The following ELFN2 variants were observed in gnomAD, a reference collection of about 807,000 sequenced individuals.
ELFN2 encodes extracellular leucine rich repeat and fibronectin type III domain containing 2.
ELFN2 carries 17 observed loss-of-function variants against 45.5 expected under a neutral mutation model. That is an observed-to-expected ratio of 0.37 (90% CI 0.26 to 0.56). ELFN2 has a LOEUF of 0.56. Among genes scored for constraint, ELFN2 ranks in the 20% least tolerant of loss-of-function variants. ELFN2 has a pLI of 0.77. For synonymous variants in ELFN2, 550 were observed against 551.5 expected, an observed-to-expected ratio of 1.00 and a Z score of 0.04; for missense variants, 922 against 1,183.2, an observed-to-expected ratio of 0.78 and a Z score of 3.24.
rs924642472 is a variant in ELFN2 at position 37,417,427 on chromosome 22, C to A, written c.-463+342G>T. ...CCACCCCCAGCAGGTGCACAGATGC[C>A]CCCTGACCTGCTGGAGTGCAGACTA... is the stretch of plus-strand genomic sequence containing the variant. On this transcript the variant is annotated intron_variant, in intron 2 of 2. Coordinates refer to ENST00000402918, the MANE Select transcript of ELFN2 (RefSeq NM_052906.5). The surrounding 1 kb of genome is among the most constrained non-coding windows in gnomAD (Gnocchi z 4.5). Among the ~76,000 whole-genome samples the A allele has an allele frequency of 6.6e-6, 1 of 152,212 alleles. No homozygotes were observed. Among genetic ancestry groups the A allele is most frequent in the Non-Finnish European group, 1.5e-5 (1 of 68,034 alleles).
intron 1 of ELFN2, chr22:37,426,888 G>T (rs911567102): frequency 3.3e-5 from 5 of 150,856 alleles, no homozygotes; most frequent in African/African-American, 1.2e-4. Context: ...GAGGATGAAT[G>T]CCTTGACCCG....
intron 2 of ELFN2, among the ~76,000 whole-genome samples, chr22:37,405,089 CAT>C (rs1932463439): frequency 6.6e-5 from 8 of 121,536 alleles, no homozygotes; most frequent in African/African-American, 2.4e-4. Context: ...TGAACCTCAG[CAT>C]TTTTTTTTTT....
chr22:37,397,363 C>T (rs1387241515), intron 2 of ELFN2, among the ~76,000 whole-genome samples: 1 of 152,226 alleles, frequency 6.6e-6, no homozygotes, highest in African/African-American at 2.4e-5. Context: ...TAATTCCCAG[C>T]TGGCATCCGT....
Position 37,374,819 on chromosome 22 carries a change from G to T in ELFN2, c.716C>A (p.Thr239Asn). Residue 239 changes from threonine to asparagine, a missense_variant, in exon 3 of 3, where the codon ACC becomes AAC. Thr to Asn is a moderately conservative substitution (Grantham distance 65, BLOSUM62 0). Coordinates refer to ENST00000402918, the MANE Select transcript of ELFN2 (RefSeq NM_052906.5). ...ATTCCGACACTTGGCCTGGAGTACGGTGATGGCGTTGAGGCTGTGGTAGGG... is the reference window on the plus strand; with the variant it reads ...ATTCCGACACTTGGCCTGGAGTACGTTGATGGCGTTGAGGCTGTGGTAGGG... ...PRPYHSLNAI[T>N]VLQAKCRNGS... The T allele has an allele frequency of 6.2e-7, 1 of 1,607,346 alleles. No homozygotes were observed. The highest frequency in any genetic ancestry group is 8.5e-7 in the Non-Finnish European group (1 of 1,179,784).
chr22:37,357,148 C>A (rs1349197955), intron 1 of ELFN2, among the ~76,000 whole-genome samples: 1 of 152,124 alleles, frequency 6.6e-6, no homozygotes, highest in African/African-American at 2.4e-5. Context: ...GGAGCCCCAA[C>A]CATTATGTCT....
At position 37,368,447 on chromosome 22, in the gene ELFN2, A is replaced by G. The variant is rs1433019319; in HGVS notation, c.*4625T>C. 1 of 152,386 alleles carries G rather than the reference A, an allele frequency of 6.6e-6. No homozygotes were observed. The highest frequency in any genetic ancestry group is 1.5e-5 in the Non-Finnish European group (1 of 68,156). 9.4% of individuals were successfully genotyped at this position (152,386 alleles called of 1,614,324 possible). ...CCCCTTCCTCTCCCTCCTGCTCAGC[A>G]GGACTGCCTGACCTTTAGTGAGGCC... On this transcript the variant is annotated 3_prime_UTR_variant, in exon 3 of 3. Transcript: ENST00000402918.
intron 2 of ELFN2, among the ~76,000 whole-genome samples, chr22:37,403,846 G>A (rs1421124180): frequency 1.3e-5 from 2 of 152,248 alleles, no homozygotes; most frequent in Non-Finnish European, 1.5e-5. Context: ...GAATGAGAGA[G>A]CCTTGGGTTT....
chr22:37,411,467 G>A (rs1339615316), intron 2 of ELFN2, among the ~76,000 whole-genome samples: 1 of 152,202 alleles, frequency 6.6e-6, no homozygotes, highest in African/African-American at 2.4e-5. Flanking sequence ...AGGAGGGGAA[G>A]CGGAGAAGGT....
At chr22:37,345,357 C>T (rs1461409043) in intron 1 of ELFN2, among the ~76,000 whole-genome samples, 1 of 152,154 alleles carries the variant, frequency 6.6e-6, no homozygotes, top group African/African-American at 2.4e-5. Context: ...GGGTTCTCTC[C>T]CTATCTGTGT....
At position 37,375,738 on chromosome 22, in the gene ELFN2, G is replaced by A; in HGVS notation, c.-204C>T. 1 of 639,342 alleles carries A rather than the reference G, an allele frequency of 1.6e-6. No homozygotes were observed. Among genetic ancestry groups the A allele is most frequent in the South Asian group, 2.1e-5 (1 of 47,642 alleles). The allele number at this position is 639,342 out of a possible 1,614,324, so 39.6% of individuals were successfully genotyped here. A position where few individuals can be genotyped will look rare whatever the true frequency, so the allele number is the denominator to read the frequency against. Reference sequence around the variant, plus strand: ...TACAGCAGGCACTAGGCCTGGCTAGGGCTGGGGGTGGGGGCCCCACAGCCT... The same window carrying A: ...TACAGCAGGCACTAGGCCTGGCTAGAGCTGGGGGTGGGGGCCCCACAGCCT... On this transcript the variant is annotated 5_prime_UTR_variant, in exon 3 of 3. Coordinates refer to ENST00000402918, the MANE Select transcript of ELFN2 (RefSeq NM_052906.5).
intron 1 of ELFN2, among the ~76,000 whole-genome samples, chr22:37,357,895 G>A (rs777647170): frequency 1.3e-5 from 2 of 152,086 alleles, no homozygotes; most frequent in South Asian, 2.1e-4. Context: ...CAGCACGAGC[G>A]TGGCCACCCC....
chr22:37,412,816 T>C (rs1268088631), intron 2 of ELFN2, among the ~76,000 whole-genome samples: 1 of 152,216 alleles, frequency 6.6e-6, no homozygotes, highest in Admixed American at 6.5e-5. Flanking sequence ...GTCCAGCCTC[T>C]GGCATTGGGA....
intron 2 of ELFN2, among the ~76,000 whole-genome samples, chr22:37,401,460 T>C (rs2145671666): frequency 6.6e-6 from 1 of 152,304 alleles, no homozygotes; most frequent in South Asian, 2.1e-4. Context: ...TTCTAGAACA[T>C]TCAGCCAGTG....
At chr22:37,419,599 C>T (rs561258212) in intron 1 of ELFN2, among the ~76,000 whole-genome samples, 26 of 152,248 alleles carry the variant, frequency 1.7e-4, no homozygotes, top group African/African-American at 5.5e-4. Context: ...TGGACTGCCC[C>T]GCCCCACGCT....
At chr22:37,343,718 C>T (rs1437199771) in intron 1 of ELFN2, among the ~76,000 whole-genome samples, 1 of 150,580 alleles carries the variant, frequency 6.6e-6, no homozygotes, top group Non-Finnish European at 1.5e-5. Context: ...CCCACCCCCC[C>T]CGGACCCCAG....
chr22:37,383,992 C>T (rs1016809893), intron 2 of ELFN2, among the ~76,000 whole-genome samples: 1 of 152,138 alleles, frequency 6.6e-6, no homozygotes, highest in Non-Finnish European at 1.5e-5. Flanking sequence ...CCACAGTACA[C>T]ATGTGTCTCT....
At chr22:37,410,836 C>T (rs1021770421) in intron 2 of ELFN2, among the ~76,000 whole-genome samples, 1 of 152,340 alleles carries the variant, frequency 6.6e-6, no homozygotes, top group African/African-American at 2.4e-5. Flanking sequence ...AGCCCATCGG[C>T]TCCTTCCACG....
At chr22:37,351,869 G>A (rs1314634963) in intron 1 of ELFN2, among the ~76,000 whole-genome samples, 1 of 151,022 alleles carries the variant, frequency 6.6e-6, no homozygotes, top group Non-Finnish European at 1.5e-5. Context: ...TCTGGGCCAG[G>A]GCATTAGCAT....
chr22:37,375,112 C>G lies in ELFN2; in HGVS notation c.423G>C (p.Val141=). 1 of 1,613,776 alleles carries G rather than the reference C, an allele frequency of 6.2e-7. No homozygotes were observed. The highest frequency in any genetic ancestry group is 8.5e-7 in the Non-Finnish European group (1 of 1,180,006). The change falls in exon 3 of 3, where the codon GTG becomes GTC. Residue 141 remains valine (V), a synonymous_variant. Transcript: ENST00000402918. The part of the protein sequence containing the change: ...FLFVQHNLIE[V]VTPTAFSECP... ...ACTCGGAGAAGGCGGTGGGCGTCACCACCTCGATGAGGTTGTGCTGGACAA... is the reference window on the plus strand; with the variant it reads ...ACTCGGAGAAGGCGGTGGGCGTCACGACCTCGATGAGGTTGTGCTGGACAA...
Sources: gnomAD v4.1 joint callset for allele counts (sites outside exome capture counted in the v4.1 genomes callset) on GRCh38, gnomAD v4.1.1 for gene constraint, Gnocchi (gnomAD v3.1) non-coding constraint, MANE v1.5 for transcripts, NCBI Gene and HGNC (gene_info 2026-07-23, HGNC 2026-07-21) for gene names.